The following GALNT10 variants were observed in gnomAD, a reference collection of about 807,000 sequenced individuals.
The protein encoded by GALNT10 is polypeptide N-acetylgalactosaminyltransferase 10.
Under a neutral mutation model 75.0 loss-of-function variants are expected in GALNT10, and 41 were observed. That is an observed-to-expected ratio of 0.55 (90% CI 0.43 to 0.71). GALNT10 has a LOEUF of 0.71. Among genes scored for constraint, GALNT10 ranks in the 30% least tolerant of loss-of-function variants. GALNT10 has a pLI of 0.00. For synonymous variants in GALNT10, 302 were observed against 313.0 expected, an observed-to-expected ratio of 0.96 and a Z score of 0.37; for missense variants, 727 against 818.5, an observed-to-expected ratio of 0.89 and a Z score of 1.36.
chr5:154,248,356 C>A (rs995670384), intron 1 of GALNT10, among the ~76,000 whole-genome samples: 1 of 152,164 alleles, frequency 6.6e-6, no homozygotes, highest in Non-Finnish European at 1.5e-5. Flanking sequence ...CCCTCTTTTT[C>A]TATTGATTGG....
At chr5:154,365,797 T>C (rs911873560) in intron 4 of GALNT10, among the ~76,000 whole-genome samples, 5 of 152,176 alleles carry the variant, frequency 3.3e-5, no homozygotes, top group Admixed American at 1.3e-4. Flanking sequence ...TTTCTAAATT[T>C]TCCCCCCAGA....
intron 1 of GALNT10, among the ~76,000 whole-genome samples, chr5:154,223,815 G>A (rs1753022410): frequency 6.6e-6 from 1 of 152,106 alleles, no homozygotes; most frequent in Non-Finnish European, 1.5e-5. Context: ...AGCTACTCAG[G>A]AGGCTGAGGC....
intron 6 of GALNT10, among the ~76,000 whole-genome samples, 190 bp downstream of exon 6, chr5:154,380,821 C>G (rs1188975023): frequency 3.3e-5 from 5 of 152,182 alleles, no homozygotes; most frequent in Non-Finnish European, 7.3e-5. Context: ...ACAACCTCAG[C>G]TCATGGCCCA....
Position 154,384,506 on chromosome 5 carries a change from G to A in GALNT10, c.939-1807G>A, listed in dbSNP as rs1319194125. On this transcript the variant is annotated intron_variant, in intron 6 of 11. Coordinates refer to ENST00000297107, the MANE Select transcript of GALNT10 (RefSeq NM_198321.4). ...ATCCTAAGTCTTGGAAATCTGGTGT[G>A]TATCTCACACTCACAGCACATGTCA... 2.0e-5 allele frequency among the ~76,000 whole-genome samples: 3 copies of A among 152,150 alleles called. No homozygotes were observed. In the East Asian group the frequency reaches 5.8e-4, roughly 29 times the overall value.
In GALNT10 at chr5:154,375,606, A is replaced by G. The variant is rs138127143; in HGVS notation, c.569-671A>G. 4.7e-3 allele frequency among the ~76,000 whole-genome samples: 721 copies of G among 152,232 alleles called. 8 individuals carry two copies. Among genetic ancestry groups the G allele is most frequent in the African/African-American group, 0.017 (692 of 41,536 alleles). On this transcript the variant is annotated intron_variant, in intron 4 of 11. Transcript: ENST00000297107. ...TCATCAGGACAATGTTTCTCTCTCT[A>G]TCCATGTCTTGACTCGTATTTTTAC...
intron 4 of GALNT10, among the ~76,000 whole-genome samples, chr5:154,373,447 T>C (rs967849765): frequency 6.6e-6 from 1 of 152,186 alleles, no homozygotes; most frequent in Non-Finnish European, 1.5e-5. Flanking sequence ...TCTTAGACCT[T>C]GGCATCATCA....
At chr5:154,200,519 C>A (rs1250946827) in intron 1 of GALNT10, among the ~76,000 whole-genome samples, 1 of 152,094 alleles carries the variant, frequency 6.6e-6, no homozygotes, top group Non-Finnish European at 1.5e-5. Context: ...TTATTTTTTG[C>A]ATGTTTCCTC....
At chr5:154,240,314 A>G (rs915071757) in intron 1 of GALNT10, among the ~76,000 whole-genome samples, 2 of 152,206 alleles carry the variant, frequency 1.3e-5, no homozygotes, top group Admixed American at 6.5e-5. Context: ...AATAAAACCT[A>G]TGTCCCAGGA....
chr5:154,322,994 C>A (rs572661166), intron 3 of GALNT10, among the ~76,000 whole-genome samples: 1 of 152,206 alleles, frequency 6.6e-6, no homozygotes, highest in Non-Finnish European at 1.5e-5. Context: ...TTTCCCTCAT[C>A]ATGGAGCTTA....
chr5:154,376,226 G>C lies in GALNT10; in HGVS notation c.569-51G>C, dbSNP rs1053478932. 1 of 1,183,160 alleles carries C rather than the reference G, an allele frequency of 8.5e-7. No individual in the cohort carries two copies. Among genetic ancestry groups the C allele is most frequent in the Non-Finnish European group, 1.2e-6 (1 of 800,120 alleles). 73.3% of individuals were successfully genotyped at this position (1,183,160 alleles called of 1,614,324 possible). A position where few individuals can be genotyped will look rare whatever the true frequency, so the allele number is the denominator to read the frequency against. ...TCACATGTAAGGGAGGAGTCATAAG[G>C]ATGACTACTAAGCAACTGTTCTCAC... is the stretch of plus-strand genomic sequence containing the variant. On this transcript the variant is annotated intron_variant, in intron 4 of 11. Transcript: ENST00000297107. This position sits in a 1 kb window ranked among gnomAD's most constrained non-coding sequence, Gnocchi z 4.1.
intron 4 of GALNT10, among the ~76,000 whole-genome samples, chr5:154,369,704 A>C (rs1483426110): frequency 6.6e-6 from 1 of 152,204 alleles, no homozygotes; most frequent in Non-Finnish European, 1.5e-5. Flanking sequence ...GCAGAAGCCA[A>C]GCAGAGCCAA....
At chr5:154,372,558 AAG>A (rs1755588803) in intron 4 of GALNT10, among the ~76,000 whole-genome samples, 1 of 152,182 alleles carries the variant, frequency 6.6e-6, no homozygotes, top group Non-Finnish European at 1.5e-5. Flanking sequence ...TAAGAACAGA[AAG>A]AGGGGCCACC....
chr5:154,257,196 A>G (rs544096679), intron 1 of GALNT10, among the ~76,000 whole-genome samples: 5 of 152,200 alleles, frequency 3.3e-5, no homozygotes, highest in Non-Finnish European at 7.4e-5. Context: ...GCAAAGTCCA[A>G]CTGAGACTCA....
intron 1 of GALNT10, among the ~76,000 whole-genome samples, chr5:154,230,370 G>A (rs1297913596): frequency 1.3e-5 from 2 of 152,146 alleles, no homozygotes; most frequent in Non-Finnish European, 2.9e-5. Flanking sequence ...TACTAGTTAC[G>A]GAGTGTGGAG....
intron 1 of GALNT10, among the ~76,000 whole-genome samples, chr5:154,210,669 G>A (rs56947982): frequency 0.058 from 8,898 of 152,198 alleles, 427 homozygotes; most frequent in African/African-American, 0.13. Context: ...AGTGCTCTAC[G>A]CAGTGCCTGG....
chr5:154,297,694 G>A (rs963618464), intron 2 of GALNT10, among the ~76,000 whole-genome samples: 1 of 152,156 alleles, frequency 6.6e-6, no homozygotes, highest in African/African-American at 2.4e-5. Context: ...TTATCATTCT[G>A]TGGAATGAGA....
intron 4 of GALNT10, among the ~76,000 whole-genome samples, chr5:154,360,958 C>CA (rs1176339938): frequency 6.6e-6 from 1 of 152,164 alleles, no homozygotes; most frequent in African/African-American, 2.4e-5. Flanking sequence ...ATTTGATACT[C>CA]ACACATACTT....
intron 1 of GALNT10, among the ~76,000 whole-genome samples, chr5:154,268,906 G>A (rs1239287226): frequency 1.3e-5 from 2 of 152,122 alleles, no homozygotes; most frequent in African/African-American, 4.8e-5. Context: ...GGAGGCCAAG[G>A]CGAAAGGATT....
chr5:154,201,209 A>G (rs919342432), intron 1 of GALNT10, among the ~76,000 whole-genome samples: 65 of 152,010 alleles, frequency 4.3e-4, no homozygotes, highest in African/African-American at 1.5e-3. Flanking sequence ...GCCCTCCTTT[A>G]TGATATGCAA....
Sources: allele counts gnomAD v4.1 joint callset (sites outside exome capture counted in the v4.1 genomes callset), GRCh38; gene constraint gnomAD v4.1.1; non-coding constraint Gnocchi (gnomAD v3.1); transcripts MANE v1.5; gene names NCBI Gene and HGNC (gene_info 2026-07-23, HGNC 2026-07-21).